CHRM5: variants seen among roughly 807,000 people sequenced by gnomAD.
CHRM5 encodes cholinergic receptor muscarinic 5, also known as muscarinic acetylcholine receptor M5.
Under a neutral mutation model 39.0 loss-of-function variants are expected in CHRM5, and 18 were observed. That is an observed-to-expected ratio of 0.46 (90% CI 0.32 to 0.68). The LOEUF is 0.68. Ranked by LOEUF, CHRM5 falls within the 30% of genes least tolerant of loss-of-function variation. CHRM5 has a pLI of 0.04. For missense variants in CHRM5, 515 were observed against 651.1 expected (o/e 0.79, Z 2.28); for synonymous variants, 241 against 246.3 (o/e 0.98, Z 0.20).
At chr15:33,973,203 TTATCACTATAGAA>T (rs1895714671) in intron 1 of CHRM5, among the ~76,000 whole-genome samples, 1 of 152,230 alleles carries the variant, frequency 6.6e-6, no homozygotes, top group South Asian at 2.1e-4. Flanking sequence ...TATTTCCTGA[TTATCACTATAGAA>T]ATGTAGCACT....
intron 1 of CHRM5, among the ~76,000 whole-genome samples, chr15:33,990,329 C>G (rs754559044): frequency 9.2e-5 from 14 of 152,082 alleles, no homozygotes; most frequent in Non-Finnish European, 1.8e-4. Context: ...CTGCAGTGAG[C>G]CGAGATCACG....
intron 1 of CHRM5, among the ~76,000 whole-genome samples, chr15:33,983,128 C>CTGTGTGTG (rs373285133): frequency 7.4e-5 from 10 of 135,266 alleles, no homozygotes; most frequent in Non-Finnish European, 1.6e-4. Context: ...TGTCCATACT[C>CTGTGTGTG]TGTGTGTGTG....
intron 1 of CHRM5, among the ~76,000 whole-genome samples, chr15:34,010,697 CAA>C (rs1379339799): frequency 6.6e-6 from 1 of 152,086 alleles, no homozygotes; most frequent in Non-Finnish European, 1.5e-5. Context: ...AACCCTCCAA[CAA>C]AAAAGTCACC....
At chr15:34,016,629 C>G (rs1281037939) in intron 1 of CHRM5, among the ~76,000 whole-genome samples, 1 of 152,200 alleles carries the variant, frequency 6.6e-6, no homozygotes, top group Non-Finnish European at 1.5e-5. Context: ...CTTTTCTCCA[C>G]TAACTAAAGC....
intron 1 of CHRM5, among the ~76,000 whole-genome samples, chr15:34,014,290 G>C (rs1366977155): frequency 6.8e-6 from 1 of 147,196 alleles, no homozygotes; most frequent in African/African-American, 2.5e-5. Context: ...CTTGAACCCA[G>C]GAGGCAGAGA....
intron 2 of CHRM5, 69 bp from the exon 3 acceptor site, chr15:34,062,574 A>AAC: frequency 4.2e-6 from 3 of 715,746 alleles, no homozygotes; most frequent in African/African-American, 3.6e-5. Flanking sequence ...AAAAAAAAAA[A>AAC]CTATAAACAA....
intron 1 of CHRM5, among the ~76,000 whole-genome samples, chr15:34,030,866 C>T (rs1898755174): frequency 6.6e-6 from 1 of 152,062 alleles, no homozygotes; most frequent in South Asian, 2.1e-4. Context: ...AGTCCTTCCA[C>T]CTCACCCTCC....
At chr15:33,994,517 G>T (rs1409571394) in intron 1 of CHRM5, among the ~76,000 whole-genome samples, 1 of 152,148 alleles carries the variant, frequency 6.6e-6, no homozygotes, top group Non-Finnish European at 1.5e-5. Context: ...CCTCACCCTG[G>T]TCTGTGGAAA....
At chr15:34,054,317 C>A (rs554910996) in intron 2 of CHRM5, among the ~76,000 whole-genome samples, 1 of 152,154 alleles carries the variant, frequency 6.6e-6, no homozygotes, top group Non-Finnish European at 1.5e-5. Flanking sequence ...ACCTAGTAAT[C>A]TCATTACTGA....
At chr15:34,039,202 A>AGCGGAGCGGG (rs1291476193) in intron 1 of CHRM5, 4 of 599,208 alleles carry the variant, frequency 6.7e-6, no homozygotes, top group Middle Eastern at 8.2e-4. Flanking sequence ...GGCCGGCCGC[A>AGCGGAGCGGG]GCGGAGCGGG....
At chr15:34,029,614 A>AGAAGC (rs1166931988) in intron 1 of CHRM5, among the ~76,000 whole-genome samples, 1 of 152,224 alleles carries the variant, frequency 6.6e-6, no homozygotes, top group Non-Finnish European at 1.5e-5. Context: ...TAAAAAGAAA[A>AGAAGC]GAAGCAGCAA....
At chr15:34,048,206 A>C (rs534038891) in intron 2 of CHRM5, among the ~76,000 whole-genome samples, 10 of 152,318 alleles carry the variant, frequency 6.6e-5, no homozygotes, top group Non-Finnish European at 1.3e-4. Flanking sequence ...ACCCGGATCC[A>C]TTCCTCCTCA....
chr15:34,017,490 T>TTG lies in CHRM5; in HGVS notation c.-407-29049_-407-29048insGT, dbSNP rs1555516593. On this transcript the variant is annotated intron_variant, in intron 1 of 2. Coordinates refer to ENST00000383263, the MANE Select transcript of CHRM5 (RefSeq NM_012125.4). The stretch of plus-strand genomic sequence containing the variant: ...TCAGTATGATTTTTTTTTTGTTTTT[T>TTG]TTTTTTTTTTGAGACAGGGTCTTGC... Among the ~76,000 whole-genome samples the TTG allele has an allele frequency of 5.1e-3, 421 of 82,656 alleles. 3 individuals carry two copies. Among genetic ancestry groups the TTG allele is most frequent in the Non-Finnish European group, 0.012 (314 of 27,094 alleles). 54.2% of individuals were successfully genotyped at this position (82,656 alleles called of 152,430 possible).
Position 34,067,120 on chromosome 15 carries a change from G to A in CHRM5, c.*2804G>A, listed in dbSNP as rs1479367820. ...AGTAAACCATGTATGACTTTGGCTA[G>A]TTACCTACTGGATGCTGTTACTTTG... On this transcript the variant is annotated 3_prime_UTR_variant, in exon 3 of 3. Coordinates refer to ENST00000383263, the MANE Select transcript of CHRM5 (RefSeq NM_012125.4). The A allele has an allele frequency of 6.6e-6, 1 of 152,186 alleles. No homozygotes were observed. The highest frequency in any genetic ancestry group is 1.5e-5 in the Non-Finnish European group (1 of 68,036). The allele number at this position is 152,186 out of a possible 1,614,324, so 9.4% of individuals were successfully genotyped here.
intron 1 of CHRM5, among the ~76,000 whole-genome samples, chr15:34,011,740 T>C (rs1897647124): frequency 6.6e-6 from 1 of 152,190 alleles, no homozygotes; most frequent in Non-Finnish European, 1.5e-5. Flanking sequence ...AGTCCTTATA[T>C]CTTTCTCATG....
chr15:33,982,741 C>T (rs1896209555), intron 1 of CHRM5, among the ~76,000 whole-genome samples: 1 of 151,498 alleles, frequency 6.6e-6, no homozygotes, highest in African/African-American at 2.4e-5. Context: ...ATCCAAATAC[C>T]ATGATGCTTT....
chr15:33,999,376 A>G (rs375307454), intron 1 of CHRM5, among the ~76,000 whole-genome samples: 2 of 152,136 alleles, frequency 1.3e-5, no homozygotes, highest in East Asian at 3.9e-4. Context: ...TAGACTCTAC[A>G]CATACCTTTG....
intron 1 of CHRM5, among the ~76,000 whole-genome samples, chr15:34,029,310 G>A (rs1472564479): frequency 2.6e-5 from 4 of 151,906 alleles, no homozygotes; most frequent in East Asian, 1.9e-4. Flanking sequence ...TGTAAAATAC[G>A]TGCTCATAAA....
At chr15:34,060,017 C>T (rs559887958) in intron 2 of CHRM5, among the ~76,000 whole-genome samples, 2 of 152,194 alleles carry the variant, frequency 1.3e-5, no homozygotes, top group Admixed American at 6.5e-5. Context: ...AAGGAGAAAG[C>T]GATTTCCACA....
Sources: gnomAD v4.1 joint callset for allele counts (sites outside exome capture counted in the v4.1 genomes callset) on GRCh38, gnomAD v4.1.1 for gene constraint, MANE v1.5 for transcripts, NCBI Gene and HGNC (gene_info 2026-07-23, HGNC 2026-07-21) for gene names.